Variants in SLC12A7 observed in about 807,000 individuals in gnomAD.
SLC12A7 encodes solute carrier family 12 member 7, also known as K-Cl cotransporter 4.
Under a neutral mutation model 120.6 loss-of-function variants are expected in SLC12A7, and 100 were observed. That is an observed-to-expected ratio of 0.83 (90% CI 0.71 to 0.98). SLC12A7 has a LOEUF of 0.98. Among genes scored for constraint, SLC12A7 ranks in the 50% least tolerant of loss-of-function variants. The pLI is 0.00. For synonymous variants in SLC12A7, 760 were observed against 678.0 expected (o/e 1.12, Z -1.88); for missense variants, 1,373 against 1,548.1 (o/e 0.89, Z 1.90).
At chr5:1,112,946 C>T (rs1288158063), upstream of SLC12A7, among the ~76,000 whole-genome samples, 1 of 150,172 alleles carries the variant, frequency 6.7e-6, no homozygotes, top group Non-Finnish European at 1.5e-5. Context: ...GAGTGCCCCG[C>T]GGCCCCTGCC....
At chr5:1,095,245 GAGA>G (rs1561095345) in intron 1 of SLC12A7, among the ~76,000 whole-genome samples, 1 of 152,180 alleles carries the variant, frequency 6.6e-6, no homozygotes, top group East Asian at 1.9e-4. Flanking sequence ...CAAGAACTCT[GAGA>G]AGTTTCTGTG....
chr5:1,060,251 C>G lies in SLC12A7; in HGVS notation c.2847+93G>C, dbSNP rs4975699. Reference sequence around the variant, plus strand: ...CCTGAGGCATGCTCTCTGGAGGACCCTCGTGGGCTGCAGGAGGGTCCCAGA... The same window carrying G: ...CCTGAGGCATGCTCTCTGGAGGACCGTCGTGGGCTGCAGGAGGGTCCCAGA... On this transcript the variant is annotated intron_variant, in intron 21 of 23. Transcript: ENST00000264930. 0.9 allele frequency: 855,315 copies of G among 954,436 alleles called. 394,134 individuals are homozygous for G. The highest frequency in any genetic ancestry group is 0.96 in the East Asian group (40,016 of 41,804). The allele number at this position is 954,436 out of a possible 1,614,324, so 59.1% of individuals were successfully genotyped here. A position where few individuals can be genotyped will look rare whatever the true frequency, so the allele number is the denominator to read the frequency against.
chr5:1,153,282 G>T, the SLC12A7 span, among the ~76,000 whole-genome samples: 1 of 152,254 alleles, frequency 6.6e-6, no homozygotes, highest in Non-Finnish European at 1.5e-5. Flanking sequence ...GTGGGTGGGG[G>T]AATGCTAGGC....
At position 1,061,016 on chromosome 5, in the gene SLC12A7, T is replaced by TCACCCGCCG. The variant is rs1173187999; in HGVS notation, c.2740-574_2740-566dup. ...ACCTGCCGTGCAGGATCCCTGAGTC[T>TCACCCGCCG]CACCCGCCGCACCCGCCGTGCGGGA... On this transcript the variant is annotated intron_variant, in intron 20 of 23. Coordinates refer to ENST00000264930, the MANE Select transcript of SLC12A7 (RefSeq NM_006598.3). 5.4e-5 allele frequency among the ~76,000 whole-genome samples: 8 copies of TCACCCGCCG among 147,814 alleles called. 1 individual carries two copies. Among genetic ancestry groups the TCACCCGCCG allele is most frequent in the African/African-American group, 1.8e-4 (7 of 39,220 alleles).
chr5:1,065,118 C>T (rs78129596), intron 18 of SLC12A7, among the ~76,000 whole-genome samples, 165 bp downstream of exon 18: 1,162 of 112,962 alleles, frequency 0.01, 10 homozygotes, highest in Middle Eastern at 0.049. Context: ...GAGGGGACGG[C>T]GAGGGGATGC....
intron 9 of SLC12A7, among the ~76,000 whole-genome samples, chr5:1,081,246 G>A (rs1439097013): frequency 1.3e-5 from 2 of 152,070 alleles, no homozygotes; most frequent in African/African-American, 4.8e-5. Context: ...GATGGCTTGA[G>A]CTCAGGAGTT....
At chr5:1,054,959 AG>A (rs1449415534) in intron 22 of SLC12A7, among the ~76,000 whole-genome samples, 1 of 152,206 alleles carries the variant, frequency 6.6e-6, no homozygotes. Context: ...GAGCAGCTCC[AG>A]GAAGTGAAAG....
chr5:1,060,168 C>T (rs1455619641), intron 21 of SLC12A7, among the ~76,000 whole-genome samples, 176 bp downstream of exon 21: 1 of 152,262 alleles, frequency 6.6e-6, no homozygotes, highest in Non-Finnish European at 1.5e-5. Context: ...CACTCCTGTG[C>T]TCCTGCAGGG....
the SLC12A7 span, among the ~76,000 whole-genome samples, chr5:1,117,221 C>G: frequency 3.3e-5 from 5 of 152,260 alleles, no homozygotes; most frequent in East Asian, 9.7e-4. The surrounding 1 kb of genome is among the most constrained non-coding windows in gnomAD (Gnocchi z 4.5). Flanking sequence ...GGGGGTGCAG[C>G]CTTCGCTGGG....
At chr5:1,067,784 A>T (rs1027881879) in intron 17 of SLC12A7, among the ~76,000 whole-genome samples, 16 of 152,122 alleles carry the variant, frequency 1.1e-4, no homozygotes, top group African/African-American at 2.9e-4. Flanking sequence ...CCTGGCAGGA[A>T]CTCAACACTG....
rs1425182341 is a variant in SLC12A7, at chr5:1,083,954, A to G, written c.920T>C (p.Val307Ala). Reference sequence around the variant, plus strand: ...CAGCGTGCGGTTCCCCAGGAGGCAGACCCTGGGCGGGACAGGGAGGCACGG... The same window carrying G: ...CAGCGTGCGGTTCCCCAGGAGGCAGGCCCTGGGCGGGACAGGGAGGCACGG... ...KSAFDPPDIPVCLLGNRTLSR... is the reference protein window; with the variant it reads ...KSAFDPPDIPACLLGNRTLSR... Residue 307 changes from valine (V) to alanine (A), a missense_variant and splice_region_variant, in exon 8 of 24, where the codon GTC becomes GCC. Transcript: ENST00000264930. 3.7e-6 allele frequency: 6 copies of G among 1,600,672 alleles called. No homozygotes were observed. The highest frequency in any genetic ancestry group is 5.1e-6 in the Non-Finnish European group (6 of 1,179,558).
At chr5:1,102,019 A>G (rs6879835) in intron 1 of SLC12A7, among the ~76,000 whole-genome samples, 1 of 152,082 alleles carries the variant, frequency 6.6e-6, no homozygotes, top group South Asian at 2.1e-4. Context: ...TTAGTTTTCC[A>G]GACACCTTAT....
rs1271983485 is a variant in SLC12A7, at chr5:1,075,497, G to A, written c.1848-7C>T. 1 of 1,608,274 alleles carries A rather than the reference G, an allele frequency of 6.2e-7. No individual in the cohort carries two copies. The highest frequency in any genetic ancestry group is 2.2e-5 in the East Asian group (1 of 44,700). Reference sequence around the variant, plus strand: ...ACCCAGAAAGGACAGGGTCCTGGGGGCGGGGCAAGTGGCTCGGGGCGGCCC... The same window carrying A: ...ACCCAGAAAGGACAGGGTCCTGGGGACGGGGCAAGTGGCTCGGGGCGGCCC... On this transcript the variant is annotated splice_region_variant and splice_polypyrimidine_tract_variant and intron_variant, in intron 14 of 23. Coordinates refer to ENST00000264930, the MANE Select transcript of SLC12A7 (RefSeq NM_006598.3).
At chr5:1,155,385 C>A in the SLC12A7 span, among the ~76,000 whole-genome samples, 1 of 152,146 alleles carries the variant, frequency 6.6e-6, no homozygotes, top group African/African-American at 2.4e-5. Flanking sequence ...TCTGCAGCCG[C>A]GGGAACAGCG....
intron 6 of SLC12A7, 91 bp from the exon 7 acceptor site, chr5:1,085,564 C>T: frequency 6.8e-7 from 1 of 1,462,062 alleles, no homozygotes; most frequent in Non-Finnish European, 9.1e-7. Flanking sequence ...ACACAGGGGC[C>T]TCCTCCCAAC....
chr5:1,093,583 C>G lies in SLC12A7; in HGVS notation c.292G>C (p.Gly98Arg). 1 of 1,612,226 alleles carries G rather than the reference C, an allele frequency of 6.2e-7. No homozygotes were observed. The highest frequency in any genetic ancestry group is 8.5e-7 in the Non-Finnish European group (1 of 1,179,608). The change falls in exon 3 of 24, where the codon GGC (glycine) becomes CGC (arginine). Residue 98 changes from glycine (G) to arginine (R), a missense_variant. By Grantham distance (125) the Gly-to-Arg change is moderately radical. Transcript: ENST00000264930. Reference sequence around the variant, plus strand: ...TCGTCCTCCTCGTGCTCCACCACGCCCTGGCTCAGGTTGGTGTAGTTGGCC... The same window carrying G: ...TCGTCCTCCTCGTGCTCCACCACGCGCTGGCTCAGGTTGGTGTAGTTGGCC... ...KLANYTNLSQGVVEHEEDEES... is the reference protein window; with the variant it reads ...KLANYTNLSQRVVEHEEDEES...
chr5:1,075,062 G>C (rs1308897445), intron 15 of SLC12A7, among the ~76,000 whole-genome samples: 1 of 152,190 alleles, frequency 6.6e-6, no homozygotes, highest in African/African-American at 2.4e-5. Flanking sequence ...ACACAACCTG[G>C]GGACACCTCG....
chr5:1,096,614 C>T (rs1192720086), intron 1 of SLC12A7, among the ~76,000 whole-genome samples: 2 of 139,556 alleles, frequency 1.4e-5, no homozygotes, highest in Non-Finnish European at 3.0e-5. Flanking sequence ...TTTCTGGAGT[C>T]AATGGAAGAT....
intron 22 of SLC12A7, among the ~76,000 whole-genome samples, chr5:1,053,952 C>A (rs1735325990): frequency 6.6e-6 from 1 of 152,232 alleles, no homozygotes; most frequent in East Asian, 1.9e-4. Context: ...GCTGGGCACA[C>A]ATGGCCTCCT....
Sources: allele counts gnomAD v4.1 joint callset (sites outside exome capture counted in the v4.1 genomes callset), GRCh38; gene constraint gnomAD v4.1.1; non-coding constraint Gnocchi (gnomAD v3.1); transcripts MANE v1.5; gene names NCBI Gene and HGNC (gene_info 2026-07-23, HGNC 2026-07-21).